EPHA6: variants seen among roughly 807,000 people sequenced by gnomAD.
EPHA6 encodes ephrin type-A receptor 6.
A neutral mutation model predicts 112.0 loss-of-function variants in EPHA6; 50 were observed. The observed-to-expected ratio is 0.45, with a 90% CI of 0.36 to 0.56. EPHA6 has a LOEUF of 0.56. Ranked by LOEUF, EPHA6 falls within the 20% of genes least tolerant of loss-of-function variation. EPHA6 has a pLI of 0.00. For missense variants in EPHA6, 1,280 were observed against 1,417.4 expected (o/e 0.90, Z 1.56); for synonymous variants, 529 against 490.7 (o/e 1.08, Z -1.03).
intron 10 of EPHA6, among the ~76,000 whole-genome samples, chr3:97,511,507 G>A (rs2092364438): frequency 6.6e-6 from 1 of 152,068 alleles, no homozygotes; most frequent in African/African-American, 2.4e-5. Flanking sequence ...TCCATGGGCT[G>A]TACCCACTGT....
intron 3 of EPHA6, among the ~76,000 whole-genome samples, chr3:97,141,378 C>T (rs984197401): frequency 2.0e-5 from 3 of 151,972 alleles, no homozygotes; most frequent in Non-Finnish European, 4.4e-5. Context: ...GCAGAATATA[C>T]GTTTTTCTCA....
At chr3:97,304,084 A>G (rs1477024414) in intron 5 of EPHA6, among the ~76,000 whole-genome samples, 1 of 151,894 alleles carries the variant, frequency 6.6e-6, no homozygotes, top group African/African-American at 2.4e-5. Context: ...ATTTTTCCAC[A>G]TTGATTTTGT....
chr3:97,168,485 T>G (rs1334576209), intron 3 of EPHA6, among the ~76,000 whole-genome samples: 1 of 152,002 alleles, frequency 6.6e-6, no homozygotes, highest in Non-Finnish European at 1.5e-5. Flanking sequence ...ACCTTCCCCT[T>G]GCACGTGTCC....
At chr3:97,268,979 T>C (rs1369849682) in intron 5 of EPHA6, among the ~76,000 whole-genome samples, 18 of 152,222 alleles carry the variant, frequency 1.2e-4, no homozygotes, top group Non-Finnish European at 1.9e-4. Flanking sequence ...ATGTTACTTA[T>C]GGCGTGGGAG....
chr3:97,256,002 CA>C (rs1209720929), intron 5 of EPHA6, among the ~76,000 whole-genome samples: 1 of 151,830 alleles, frequency 6.6e-6, no homozygotes, highest in Non-Finnish European at 1.5e-5. Flanking sequence ...GGATGAAATG[CA>C]AAAAACAATC....
chr3:97,422,307 A>G (rs952896379), intron 6 of EPHA6, among the ~76,000 whole-genome samples: 2 of 152,146 alleles, frequency 1.3e-5, no homozygotes, highest in African/African-American at 4.8e-5. Context: ...CAACAAGCCA[A>G]TTGAAAACCT....
At chr3:96,900,982 A>T (rs1408546002) in intron 2 of EPHA6, among the ~76,000 whole-genome samples, 1 of 152,248 alleles carries the variant, frequency 6.6e-6, no homozygotes, top group Non-Finnish European at 1.5e-5. Flanking sequence ...AACAAGCCAC[A>T]TATTGAAACT....
At chr3:97,235,927 G>A (rs992789659) in intron 4 of EPHA6, among the ~76,000 whole-genome samples, 2 of 151,820 alleles carry the variant, frequency 1.3e-5, no homozygotes, top group Admixed American at 1.3e-4. Flanking sequence ...AATTCATTGT[G>A]TTTCTTTTGC....
At chr3:97,399,402 A>C (rs1041442318) in intron 5 of EPHA6, among the ~76,000 whole-genome samples, 1 of 151,526 alleles carries the variant, frequency 6.6e-6, no homozygotes, top group Non-Finnish European at 1.5e-5. Context: ...TGCAATAAAC[A>C]TGATGTGGGG....
intron 14 of EPHA6, among the ~76,000 whole-genome samples, chr3:97,684,101 A>G (rs529591558): frequency 6.6e-6 from 1 of 152,304 alleles, no homozygotes; most frequent in South Asian, 2.1e-4. Context: ...CTTGTTATAT[A>G]CATGTCTACC....
At chr3:97,114,232 T>C (rs1423757550) in intron 3 of EPHA6, among the ~76,000 whole-genome samples, 1 of 152,122 alleles carries the variant, frequency 6.6e-6, no homozygotes, top group African/African-American at 2.4e-5. Context: ...GAAAGACTTC[T>C]AATAATATTT....
intron 6 of EPHA6, among the ~76,000 whole-genome samples, chr3:97,418,945 G>A (rs1056712077): frequency 6.6e-6 from 1 of 152,142 alleles, no homozygotes; most frequent in Non-Finnish European, 1.5e-5. Flanking sequence ...AAATGAACGA[G>A]TATAATAAAT....
At chr3:97,323,894 A>G (rs1245960022) in intron 5 of EPHA6, among the ~76,000 whole-genome samples, 1 of 152,006 alleles carries the variant, frequency 6.6e-6, no homozygotes, top group Non-Finnish European at 1.5e-5. Flanking sequence ...ACTTATTAAA[A>G]TAATCAGATT....
chr3:97,657,465 A>T (rs2094143992), intron 14 of EPHA6, among the ~76,000 whole-genome samples: 1 of 151,864 alleles, frequency 6.6e-6, no homozygotes, highest in Non-Finnish European at 1.5e-5. Context: ...GTCATTAAGA[A>T]ATGGAAATAC....
chr3:97,052,213 A>G (rs567977102), intron 3 of EPHA6, among the ~76,000 whole-genome samples: 5 of 151,920 alleles, frequency 3.3e-5, no homozygotes, highest in East Asian at 3.9e-4. Flanking sequence ...CATATACTCT[A>G]TTTCCCCCAT....
intron 2 of EPHA6, among the ~76,000 whole-genome samples, chr3:96,966,884 A>G (rs777886756): frequency 1.3e-5 from 2 of 151,958 alleles, no homozygotes; most frequent in Non-Finnish European, 2.9e-5. Context: ...TACTGTGTTA[A>G]GTATATGTTA....
At chr3:97,588,676 A>G (rs759065454) in intron 11 of EPHA6, among the ~76,000 whole-genome samples, 8 of 152,232 alleles carry the variant, frequency 5.3e-5, no homozygotes, top group Non-Finnish European at 1.2e-4. Context: ...AAATAATAGC[A>G]ATGGTTTATA....
intron 2 of EPHA6, among the ~76,000 whole-genome samples, chr3:96,922,655 C>T (rs77221140): frequency 2.7e-5 from 4 of 150,052 alleles, no homozygotes; most frequent in African/African-American, 7.3e-5. Flanking sequence ...TTTTTTTTTC[C>T]GACTTTGAAG....
intron 14 of EPHA6, among the ~76,000 whole-genome samples, chr3:97,677,834 G>A (rs888502356): frequency 1.3e-5 from 2 of 151,868 alleles, no homozygotes; most frequent in Non-Finnish European, 2.9e-5. Context: ...TATAACCATG[G>A]AAGTGAATGA....
Sources: allele counts gnomAD v4.1 joint callset (sites outside exome capture counted in the v4.1 genomes callset), GRCh38; gene constraint gnomAD v4.1.1; transcripts MANE v1.5; gene names NCBI Gene and HGNC (gene_info 2026-07-23, HGNC 2026-07-21).